The following TRAPPC9 variants were observed in gnomAD, a reference collection of about 807,000 sequenced individuals.
TRAPPC9 encodes IKK2 binding protein.
In TRAPPC9, 83 loss-of-function variants were observed where a neutral mutation model predicts 124.0. The observed-to-expected ratio is 0.67, with a 90% CI of 0.56 to 0.80. The LOEUF (loss-of-function observed/expected upper bound fraction) is 0.80. TRAPPC9 is among the 30% of genes least tolerant of loss of function. TRAPPC9 has a pLI of 0.00. For missense variants in TRAPPC9, 1,302 were observed against 1,508.3 expected (o/e 0.86, Z 2.27); for synonymous variants, 638 against 617.5 (o/e 1.03, Z -0.49).
chr8:140,137,265 T>TG (rs976173008), intron 17 of TRAPPC9, among the ~76,000 whole-genome samples: 1 of 152,126 alleles, frequency 6.6e-6, no homozygotes, highest in Admixed American at 6.5e-5. Context: ...TCGGTGCTCC[T>TG]CACTGGGCTG....
intron 5 of TRAPPC9, among the ~76,000 whole-genome samples, chr8:140,421,984 CAAAAA>C (rs35152459): frequency 4.8e-4 from 21 of 43,964 alleles, no homozygotes; most frequent in South Asian, 3.8e-3. Context: ...TCCCTCATGA[CAAAAA>C]AAAAAAAAAA....
intron 19 of TRAPPC9, among the ~76,000 whole-genome samples, chr8:139,921,479 C>T (rs1403413042): frequency 6.6e-6 from 1 of 152,150 alleles, no homozygotes; most frequent in Non-Finnish European, 1.5e-5. Flanking sequence ...GTGGTAAGTG[C>T]TACGATACAG....
chr8:140,221,868 TTGTTTA>T (rs1485734806), intron 16 of TRAPPC9, among the ~76,000 whole-genome samples: 5 of 152,186 alleles, frequency 3.3e-5, no homozygotes, highest in Non-Finnish European at 7.3e-5. Context: ...GTTTTTGTTT[TTGTTTA>T]TGTAGGGGAT....
At chr8:139,938,639 A>G (rs1183831400) in intron 19 of TRAPPC9, among the ~76,000 whole-genome samples, 1 of 149,658 alleles carries the variant, frequency 6.7e-6, no homozygotes, top group Non-Finnish European at 1.5e-5. Flanking sequence ...GCTATACCCG[A>G]TTAATTTTTT....
At chr8:140,236,892 T>C (rs1274127557) in intron 16 of TRAPPC9, among the ~76,000 whole-genome samples, 4 of 152,058 alleles carry the variant, frequency 2.6e-5, no homozygotes, top group Non-Finnish European at 4.4e-5. Flanking sequence ...GATTCTAAAA[T>C]TGATGTGGGC....
At chr8:140,162,308 C>T (rs534305422) in intron 17 of TRAPPC9, among the ~76,000 whole-genome samples, 1 of 152,240 alleles carries the variant, frequency 6.6e-6, no homozygotes, top group African/African-American at 2.4e-5. Context: ...CTGAACTGCT[C>T]GTGTTTGCCC....
chr8:139,749,551 G>T (rs1819176359), intron 21 of TRAPPC9, among the ~76,000 whole-genome samples: 1 of 152,154 alleles, frequency 6.6e-6, no homozygotes, highest in Admixed American at 6.5e-5. Context: ...AAGCATGCCG[G>T]GAACCCCTCT....
At chr8:140,022,286 C>T (rs774029014) in intron 18 of TRAPPC9, among the ~76,000 whole-genome samples, 2 of 152,106 alleles carry the variant, frequency 1.3e-5, no homozygotes, top group Non-Finnish European at 2.9e-5. Flanking sequence ...ACCACTTAGA[C>T]TTAGGAATAA....
At chr8:140,159,138 C>CCCG in intron 17 of TRAPPC9, among the ~76,000 whole-genome samples, 1 of 152,174 alleles carries the variant, frequency 6.6e-6, no homozygotes, top group Non-Finnish European at 1.5e-5. Context: ...ACCTCCCCCG[C>CCCG]CCGCCGCCGC....
chr8:140,409,762 A>G (rs12681359), intron 5 of TRAPPC9, among the ~76,000 whole-genome samples: 43,356 of 152,130 alleles, frequency 0.28, 7,028 homozygotes, highest in East Asian at 0.44. Flanking sequence ...AGAATTAAGA[A>G]CATTAATGTG....
chr8:140,188,962 C>T (rs139070229), intron 17 of TRAPPC9, among the ~76,000 whole-genome samples: 28 of 150,030 alleles, frequency 1.9e-4, no homozygotes, highest in Non-Finnish European at 3.6e-4. Flanking sequence ...AACCAGCCCT[C>T]CTCCCGTTGT....
intron 5 of TRAPPC9, among the ~76,000 whole-genome samples, chr8:140,418,330 G>A (rs1403640836): frequency 6.6e-6 from 1 of 152,158 alleles, no homozygotes; most frequent in African/African-American, 2.4e-5. Context: ...TAAGAGGAAG[G>A]AACGTTAACC....
intron 16 of TRAPPC9, among the ~76,000 whole-genome samples, chr8:140,234,165 T>C (rs1254525995): frequency 5.9e-5 from 9 of 152,188 alleles, no homozygotes; most frequent in African/African-American, 1.9e-4. Context: ...TAGATTCTCA[T>C]AGGATCACAA....
rs547752326 is a variant in TRAPPC9 at position 140,440,585 on chromosome 8, C to T, written c.585-1388G>A. Among the ~76,000 whole-genome samples, 13 of 152,276 alleles carry T rather than the reference C, an allele frequency of 8.5e-5. No individual in the cohort carries two copies. The South Asian group carries it at 2.7e-3, about 32-fold the overall frequency. ...GTCACCTCAGCAGCCTCCGCCTAGTCTCTGACTCCTCACCCTGCACCCCCT... is the reference window on the plus strand; with the variant it reads ...GTCACCTCAGCAGCCTCCGCCTAGTTTCTGACTCCTCACCCTGCACCCCCT... On this transcript the variant is annotated intron_variant, in intron 2 of 22. Coordinates refer to ENST00000438773, the MANE Select transcript of TRAPPC9 (RefSeq NM_001160372.4).
intron 18 of TRAPPC9, among the ~76,000 whole-genome samples, chr8:140,019,676 C>T (rs1344835678): frequency 6.7e-6 from 1 of 149,698 alleles, no homozygotes; most frequent in Non-Finnish European, 1.5e-5. Flanking sequence ...CCTCAGCCTT[C>T]CGAGTGGCTG....
At chr8:140,414,119 G>T (rs553443967) in intron 5 of TRAPPC9, among the ~76,000 whole-genome samples, 1 of 152,200 alleles carries the variant, frequency 6.6e-6, no homozygotes, top group South Asian at 2.1e-4. Context: ...ATCATCAAAA[G>T]AATTAAAGGG....
chr8:140,232,365 G>A (rs1379577665), intron 16 of TRAPPC9, among the ~76,000 whole-genome samples: 2 of 152,072 alleles, frequency 1.3e-5, no homozygotes, highest in East Asian at 3.8e-4. Context: ...GGGAGCAAGT[G>A]GAGGGAGGAG....
At chr8:139,837,827 A>G (rs1826459114) in intron 21 of TRAPPC9, among the ~76,000 whole-genome samples, 2 of 151,604 alleles carry the variant, frequency 1.3e-5, no homozygotes, top group African/African-American at 4.8e-5. Flanking sequence ...CTCCTTCCAG[A>G]GTCCATCCAG....
chr8:140,064,872 T>C (rs1185613585), intron 17 of TRAPPC9, among the ~76,000 whole-genome samples: 1 of 152,202 alleles, frequency 6.6e-6, no homozygotes, highest in African/African-American at 2.4e-5. Context: ...TGCAGGATTG[T>C]AAAGGCCTCT....
Sources: allele counts gnomAD v4.1 joint callset (sites outside exome capture counted in the v4.1 genomes callset), GRCh38; gene constraint gnomAD v4.1.1; transcripts MANE v1.5; gene names NCBI Gene and HGNC (gene_info 2026-07-23, HGNC 2026-07-21).